AGBL3: variants seen among roughly 807,000 people sequenced by gnomAD.
AGBL3 encodes the protein cytosolic carboxypeptidase 3.
AGBL3 carries 68 observed loss-of-function variants against 94.5 expected under a neutral mutation model. The observed-to-expected ratio is 0.72, with a 90% confidence interval of 0.59 to 0.88. The LOEUF (loss-of-function observed/expected upper bound fraction) is 0.88, where lower values mean the gene tolerates loss of function less well. AGBL3 is among the 40% of genes least tolerant of loss of function. AGBL3 has a pLI of 0.00. For synonymous variants in AGBL3, 354 were observed against 370.7 expected (o/e 0.95, Z 0.52); for missense variants, 934 against 1,103.8 (o/e 0.85, Z 2.18).
intron 5 of AGBL3, among the ~76,000 whole-genome samples, chr7:135,025,933 C>G (rs1465798197): frequency 6.6e-6 from 1 of 151,508 alleles, no homozygotes; most frequent in Non-Finnish European, 1.5e-5. Flanking sequence ...CATAAAAGTT[C>G]TTCTTGACCT....
chr7:135,115,418 A>G lies in AGBL3; in HGVS notation c.2149A>G (p.Ile717Val), dbSNP rs948169143. 11 of 1,551,190 alleles carry G rather than the reference A, an allele frequency of 7.1e-6. No homozygotes were observed. Among genetic ancestry groups the G allele is most frequent in the African/African-American group, 6.8e-5 (5 of 73,016 alleles). ...CTTAAAAAGCAAAATAAAAGAATGC[A>G]TATCTTTCCAAAGCAAGAAGACTGG... ...HNLKSKIKEC[I>V]SFQSKKTGIN... is the part of the protein sequence containing the mutation. The change falls in exon 16 of 17, where the codon ATA becomes GTA. Residue 717 changes from isoleucine to valine, a missense_variant. Coordinates refer to ENST00000436302, the MANE Select transcript of AGBL3 (RefSeq NM_178563.4).
chr7:135,062,196 G>C (rs899858444), intron 12 of AGBL3, among the ~76,000 whole-genome samples: 1 of 151,854 alleles, frequency 6.6e-6, no homozygotes, highest in African/African-American at 2.4e-5. Flanking sequence ...TTTTTAGATA[G>C]TTTGTTATTA....
intron 12 of AGBL3, among the ~76,000 whole-genome samples, chr7:135,069,274 T>C (rs920461617): frequency 5.9e-5 from 9 of 152,122 alleles, no homozygotes; most frequent in Admixed American, 2.6e-4. Flanking sequence ...ACAATAATAA[T>C]GGGAGACTTT....
chr7:135,011,298 G>GGT (rs1390011514), intron 4 of AGBL3: 3 of 151,878 alleles, frequency 2.0e-5, no homozygotes, highest in African/African-American at 7.2e-5. Context: ...AAAAATGAAA[G>GGT]GTAAAACAAT....
chr7:135,003,675 C>T (rs1245709429), intron 4 of AGBL3, among the ~76,000 whole-genome samples: 5 of 150,052 alleles, frequency 3.3e-5, no homozygotes, highest in Admixed American at 6.6e-5. Context: ...TTTTCTGCAC[C>T]GTTTCTAAGT....
intron 11 of AGBL3, chr7:135,051,154 G>A: frequency 2.9e-6 from 1 of 350,714 alleles, no homozygotes; most frequent in Non-Finnish European, 5.4e-6. Flanking sequence ...CCCACTTATA[G>A]GTGAGTACAG....
chr7:135,036,982 C>T (rs1423110820), intron 7 of AGBL3, among the ~76,000 whole-genome samples: 1 of 151,716 alleles, frequency 6.6e-6, no homozygotes, highest in African/African-American at 2.4e-5. Flanking sequence ...AGTAGTAATG[C>T]TGTCTTCGCT....
At chr7:135,097,718 C>G (rs1823121327) in intron 15 of AGBL3, among the ~76,000 whole-genome samples, 1 of 151,994 alleles carries the variant, frequency 6.6e-6, no homozygotes, top group Non-Finnish European at 1.5e-5. Flanking sequence ...AGACTTCTGA[C>G]TTTATGGAAA....
intron 5 of AGBL3, 119 bp from the exon 6 acceptor site, chr7:135,032,725 G>A (rs1815898984): frequency 5.7e-6 from 5 of 876,046 alleles, no homozygotes; most frequent in Non-Finnish European, 8.1e-6. Flanking sequence ...ATAAATTAGT[G>A]TCCAGTTACT....
At chr7:135,107,069 T>C (rs1824835010) in intron 15 of AGBL3, among the ~76,000 whole-genome samples, 1 of 152,174 alleles carries the variant, frequency 6.6e-6, no homozygotes, top group Admixed American at 6.6e-5. Context: ...CCTTTGTCAT[T>C]CCTTATTGTG....
intron 15 of AGBL3, among the ~76,000 whole-genome samples, chr7:135,082,181 A>T (rs1820976284): frequency 6.6e-6 from 1 of 152,212 alleles, no homozygotes; most frequent in Non-Finnish European, 1.5e-5. Context: ...AACAGTAAAA[A>T]GTTTAAAATA....
chr7:135,063,712 T>C (rs1187177637), intron 12 of AGBL3, among the ~76,000 whole-genome samples: 1 of 152,222 alleles, frequency 6.6e-6, no homozygotes, highest in Non-Finnish European at 1.5e-5. Context: ...TTTTCCTAAT[T>C]ACCTACTATG....
intron 4 of AGBL3, among the ~76,000 whole-genome samples, chr7:135,014,197 GAAAAAAAAAAAAAAAAA>G (rs58580550): frequency 1.5e-5 from 1 of 65,528 alleles, no homozygotes; most frequent in African/African-American, 6.2e-5. Context: ...CTCTGTCTCT[GAAAAAAAAAAAAAAAAA>G]AAAAAAAAAA....
At chr7:135,055,091 G>C (rs1403687512) in intron 11 of AGBL3, among the ~76,000 whole-genome samples, 27 of 152,110 alleles carry the variant, frequency 1.8e-4, no homozygotes, top group Non-Finnish European at 2.9e-5. Context: ...ACTCTTGTGG[G>C]AACGAATCCA....
chr7:134,996,649 T>C (rs1031245757), intron 4 of AGBL3, among the ~76,000 whole-genome samples: 4 of 152,232 alleles, frequency 2.6e-5, no homozygotes, highest in Admixed American at 2.0e-4. Context: ...TGAATCAGAA[T>C]TTCTTTAACT....
chr7:135,057,131 AC>A (rs1015753364), intron 11 of AGBL3, among the ~76,000 whole-genome samples: 3 of 152,110 alleles, frequency 2.0e-5, no homozygotes, highest in Non-Finnish European at 4.4e-5. Context: ...AAAAAGAGCA[AC>A]AAAAATCCCT....
chr7:135,054,395 TTG>T (rs1356999073), intron 11 of AGBL3, among the ~76,000 whole-genome samples: 1 of 152,192 alleles, frequency 6.6e-6, no homozygotes, highest in Non-Finnish European at 1.5e-5. Flanking sequence ...AAAGGAAGCA[TTG>T]TGTTTCAAAA....
chr7:135,049,430 T>C (rs765576994), intron 11 of AGBL3, among the ~76,000 whole-genome samples: 1 of 152,006 alleles, frequency 6.6e-6, no homozygotes, highest in Non-Finnish European at 1.5e-5. Context: ...CAGGTTAATG[T>C]GAGCGTCCTA....
At position 135,099,566 on chromosome 7, in the gene AGBL3, A is replaced by T. The variant is rs185532962; in HGVS notation, c.2111-15814A>T. Among the ~76,000 whole-genome samples, 344 of 152,270 alleles carry T rather than the reference A, an allele frequency of 2.3e-3. 1 individual carries two copies. The highest frequency in any genetic ancestry group is 7.6e-3 in the African/African-American group (315 of 41,556). On this transcript the variant is annotated intron_variant, in intron 15 of 16. Coordinates refer to ENST00000436302, the MANE Select transcript of AGBL3 (RefSeq NM_178563.4). ...GAGCCCCTTCTTGGCTTCTAAAAAA[A>T]TATTTGAGGTAGGAGAACTGTACTT... is the stretch of plus-strand genomic sequence containing the variant.
Sources: allele counts gnomAD v4.1 joint callset (sites outside exome capture counted in the v4.1 genomes callset), GRCh38; gene constraint gnomAD v4.1.1; transcripts MANE v1.5; gene names NCBI Gene and HGNC (gene_info 2026-07-23, HGNC 2026-07-21).